The following DPP10 variants were observed in gnomAD, a reference collection of about 807,000 sequenced individuals.
The protein encoded by DPP10 is dipeptidyl peptidase like 10.
Under a neutral mutation model 120.9 loss-of-function variants are expected in DPP10, and 33 were observed. That is an observed-to-expected ratio of 0.27 (90% CI 0.21 to 0.37). DPP10 has a LOEUF of 0.37. Ranked by LOEUF, DPP10 falls within the 10% of genes least tolerant of loss-of-function variation. The pLI is 1.00. For synonymous variants in DPP10, 337 were observed against 326.1 expected, an observed-to-expected ratio of 1.03 and a Z score of -0.36; for missense variants, 816 against 942.8, an observed-to-expected ratio of 0.87 and a Z score of 1.76.
chr2:114,937,929 G>A (rs879807470), intron 1 of DPP10, among the ~76,000 whole-genome samples: 51 of 152,192 alleles, frequency 3.4e-4, no homozygotes, highest in Middle Eastern at 3.2e-3. Flanking sequence ...TTAGTACAAA[G>A]TCTCTTCATG....
rs368584192 is a variant in DPP10 at position 115,599,637 on chromosome 2, G to A, written c.441+73665G>A. Among the ~76,000 whole-genome samples the A allele has an allele frequency of 4.6e-5, 7 of 152,094 alleles. No homozygotes were observed. The East Asian group carries it at 1.4e-3, about 29-fold the overall frequency. ...TTCTAGCCTCTGCACCATCCTGATT[G>A]GCATCTGTTCATTATTAATACCTCG... On this transcript the variant is annotated intron_variant, in intron 5 of 25. Transcript: ENST00000410059.
At chr2:114,776,661 A>G (rs1681771284) in intron 1 of DPP10, among the ~76,000 whole-genome samples, 1 of 152,176 alleles carries the variant, frequency 6.6e-6, no homozygotes, top group South Asian at 2.1e-4. Context: ...GGGAGCTGAC[A>G]AACACTACAT....
chr2:114,735,786 T>C (rs887444017), intron 1 of DPP10, among the ~76,000 whole-genome samples: 5 of 151,986 alleles, frequency 3.3e-5, no homozygotes, highest in African/African-American at 9.7e-5. Context: ...TGTTAATTAT[T>C]TTTTTCTAAA....
intron 1 of DPP10, among the ~76,000 whole-genome samples, chr2:114,704,778 A>G (rs866214006): frequency 7.2e-5 from 11 of 152,182 alleles, no homozygotes; most frequent in Admixed American, 5.2e-4. Flanking sequence ...TGAATAATTT[A>G]TATGTTGAAG....
chr2:115,813,233 G>A lies in DPP10; in HGVS notation c.1701-1560G>A, dbSNP rs113467007. On this transcript the variant is annotated intron_variant, in intron 19 of 25. Transcript: ENST00000410059. ...CCTGACCTCATGATCCACCCGCCTC[G>A]GCCTGACTGGATATCTTAAACAATG... is the stretch of plus-strand genomic sequence containing the variant. Among the ~76,000 whole-genome samples, 24 of 146,684 alleles carry A rather than the reference G, an allele frequency of 1.6e-4. 1 individual carries two copies. The highest frequency in any genetic ancestry group is 6.6e-4 in the African/African-American group (24 of 36,540).
At chr2:115,366,624 C>A (rs2065093708) in intron 3 of DPP10, among the ~76,000 whole-genome samples, 1 of 151,988 alleles carries the variant, frequency 6.6e-6, no homozygotes, top group Admixed American at 6.6e-5. Context: ...TCTTCATAAT[C>A]ATTGATTTAT....
intron 1 of DPP10, among the ~76,000 whole-genome samples, chr2:114,681,486 A>G (rs914258900): frequency 6.6e-6 from 1 of 151,988 alleles, no homozygotes; most frequent in African/African-American, 2.4e-5. Context: ...AGTTTACATG[A>G]GGAAAAAAAA....
intron 7 of DPP10, among the ~76,000 whole-genome samples, chr2:115,716,379 A>G (rs776474225): frequency 2.1e-4 from 32 of 152,232 alleles, no homozygotes; most frequent in Non-Finnish European, 3.8e-4. Context: ...TATACATCAT[A>G]GGTAGTATGT....
At chr2:115,389,860 CTATAAT>C (rs2067208166) in intron 3 of DPP10, among the ~76,000 whole-genome samples, 1 of 152,080 alleles carries the variant, frequency 6.6e-6, no homozygotes, top group Non-Finnish European at 1.5e-5. Context: ...CCTGGCTTCT[CTATAAT>C]TATTAATTCA....
At chr2:115,090,346 T>C (rs1210922805) in intron 1 of DPP10, among the ~76,000 whole-genome samples, 2 of 152,134 alleles carry the variant, frequency 1.3e-5, no homozygotes, top group Admixed American at 6.6e-5. Flanking sequence ...TGTTATTACC[T>C]CTCTTAATGG....
intron 11 of DPP10, among the ~76,000 whole-genome samples, chr2:115,756,821 T>C (rs952458069): frequency 6.6e-6 from 1 of 152,000 alleles, no homozygotes. Context: ...ATCGAGAGGT[T>C]GGCATCTGGT....
chr2:115,007,555 T>C (rs1169289211), intron 1 of DPP10, among the ~76,000 whole-genome samples: 1 of 149,118 alleles, frequency 6.7e-6, no homozygotes, highest in Non-Finnish European at 1.5e-5. Flanking sequence ...CTATTCAACA[T>C]AGTGTTGGAA....
intron 1 of DPP10, among the ~76,000 whole-genome samples, chr2:114,568,356 T>C (rs1331406469): frequency 6.6e-6 from 1 of 152,194 alleles, no homozygotes; most frequent in African/African-American, 2.4e-5. Context: ...GATTGCTGAG[T>C]ATAGTCACTC....
In DPP10 at chr2:115,791,070, T is replaced by C. The variant is rs1683919369; in HGVS notation, c.1532-11T>C. On this transcript the variant is annotated splice_polypyrimidine_tract_variant and intron_variant, in intron 17 of 25. Coordinates refer to ENST00000410059, the MANE Select transcript of DPP10 (RefSeq NM_020868.6). Reference sequence around the variant, plus strand: ...GGGTTAGCTATTTACACTACCCTTTTTGGTTTACAGAATATTTTATATTGG... The same window carrying C: ...GGGTTAGCTATTTACACTACCCTTTCTGGTTTACAGAATATTTTATATTGG... 6 of 1,601,844 alleles carry C rather than the reference T, an allele frequency of 3.7e-6. No individual in the cohort carries two copies. Among genetic ancestry groups the C allele is most frequent in the African/African-American group, 1.3e-5 (1 of 74,250 alleles).
chr2:115,779,823 A>G (rs1462540331), intron 15 of DPP10, among the ~76,000 whole-genome samples: 1 of 146,502 alleles, frequency 6.8e-6, no homozygotes, highest in Admixed American at 8.3e-5. Flanking sequence ...ATAAGTTATC[A>G]TGAGTGAAAC....
chr2:115,315,935 C>A (rs2061771354), intron 2 of DPP10, among the ~76,000 whole-genome samples: 1 of 151,964 alleles, frequency 6.6e-6, no homozygotes, highest in Admixed American at 6.6e-5. Context: ...AAAACAGTTA[C>A]TTTTTTGTCT....
intron 1 of DPP10, among the ~76,000 whole-genome samples, chr2:115,085,743 G>A (rs1708639714): frequency 6.6e-6 from 1 of 152,080 alleles, no homozygotes; most frequent in Admixed American, 6.5e-5. Flanking sequence ...AGTGCTGTTT[G>A]TTCCAAACTG....
intron 4 of DPP10, among the ~76,000 whole-genome samples, chr2:115,510,325 T>C (rs1482662587): frequency 6.6e-6 from 1 of 152,200 alleles, no homozygotes; most frequent in Admixed American, 6.5e-5. Context: ...TTTGAGTGGA[T>C]TTTTTAATAT....
intron 1 of DPP10, among the ~76,000 whole-genome samples, chr2:114,770,633 C>T (rs1287072189): frequency 2.0e-5 from 3 of 152,202 alleles, no homozygotes; most frequent in East Asian, 3.9e-4. Context: ...AGACATGATA[C>T]TTGCACATTT....
Sources: gnomAD v4.1 joint callset for allele counts (sites outside exome capture counted in the v4.1 genomes callset) on GRCh38, gnomAD v4.1.1 for gene constraint, MANE v1.5 for transcripts, NCBI Gene and HGNC (gene_info 2026-07-23, HGNC 2026-07-21) for gene names.